Variants in VRK2 observed in about 807,000 individuals in gnomAD.
VRK2 encodes VRK serine/threonine kinase 2, also known as serine/threonine-protein kinase VRK2.
VRK2 carries 60 observed loss-of-function variants against 57.6 expected under a neutral mutation model. That is an observed-to-expected ratio of 1.04 (90% CI 0.85 to 1.29). The LOEUF is 1.29. VRK2 is among the 50% of genes most tolerant of loss of function. The pLI is 0.00. For synonymous variants in VRK2, 231 were observed against 199.2 expected (o/e 1.16, Z -1.35); for missense variants, 705 against 588.1 (o/e 1.20, Z -2.06).
At chr2:58,014,007 C>G (rs1338507280) in intron 1 of VRK2, among the ~76,000 whole-genome samples, 1 of 151,988 alleles carries the variant, frequency 6.6e-6, no homozygotes, top group Admixed American at 6.5e-5. Flanking sequence ...ATAATACTTT[C>G]AGGAGATAAT....
At chr2:57,979,475 C>A (rs1356538297) in intron 1 of VRK2, among the ~76,000 whole-genome samples, 1 of 150,946 alleles carries the variant, frequency 6.6e-6, no homozygotes, top group African/African-American at 2.5e-5. Context: ...CATCTATGTT[C>A]ACCAGGGATA....
intron 1 of VRK2, among the ~76,000 whole-genome samples, chr2:57,947,098 G>A (rs555783783): frequency 6.6e-6 from 1 of 152,250 alleles, no homozygotes; most frequent in African/African-American, 2.4e-5. Context: ...AATTTAACGT[G>A]TATTAGCAGC....
intron 1 of VRK2, among the ~76,000 whole-genome samples, chr2:57,975,376 A>G (rs1044554753): frequency 6.6e-6 from 1 of 152,082 alleles, no homozygotes; most frequent in Non-Finnish European, 1.5e-5. Flanking sequence ...TAGACTTTTT[A>G]TATTAGTTTT....
At chr2:57,955,083 C>T (rs1671541307) in intron 1 of VRK2, among the ~76,000 whole-genome samples, 1 of 152,064 alleles carries the variant, frequency 6.6e-6, no homozygotes. Context: ...TGAAGAACAT[C>T]TTATGGCCTA....
At chr2:58,073,244 A>G (rs559909340) in intron 2 of VRK2, among the ~76,000 whole-genome samples, 25 of 152,030 alleles carry the variant, frequency 1.6e-4, no homozygotes, top group Non-Finnish European at 3.2e-4. Flanking sequence ...TGTCTTAGTG[A>G]ATATACTATG....
intron 1 of VRK2, among the ~76,000 whole-genome samples, chr2:58,022,619 C>T (rs2103675415): frequency 6.6e-6 from 1 of 152,288 alleles, no homozygotes; most frequent in African/African-American, 2.4e-5. Context: ...CTCACGCCTG[C>T]AACCCCAGCA....
chr2:58,065,237 C>A (rs1668453099), intron 2 of VRK2, among the ~76,000 whole-genome samples: 1 of 152,084 alleles, frequency 6.6e-6, no homozygotes, highest in Non-Finnish European at 1.5e-5. Flanking sequence ...AGGACAGATT[C>A]ATCACCCTAA....
intron 1 of VRK2, among the ~76,000 whole-genome samples, chr2:57,959,236 T>C (rs997841746): frequency 2.6e-5 from 4 of 152,204 alleles, no homozygotes; most frequent in Admixed American, 6.5e-5. Flanking sequence ...GCAATTTTCA[T>C]AGTTTAAAGA....
chr2:58,088,137 A>G (rs879660404), intron 5 of VRK2, among the ~76,000 whole-genome samples: 1 of 152,248 alleles, frequency 6.6e-6, no homozygotes, highest in African/African-American at 2.4e-5. Context: ...GCATTCTCTT[A>G]TAGAAAATCA....
chr2:58,046,434 G>C, upstream of VRK2: 1 of 956,752 alleles, frequency 1.0e-6, no homozygotes, highest in Non-Finnish European at 1.2e-6. Context: ...AGCTCGGTAA[G>C]GACTAGCCAT....
chr2:58,056,163 A>G (rs1480615905), intron 2 of VRK2, among the ~76,000 whole-genome samples: 1 of 152,012 alleles, frequency 6.6e-6, no homozygotes, highest in African/African-American at 2.4e-5. Context: ...TAAAATTTAC[A>G]GGAATGCCTG....
chr2:57,949,568 G>A (rs555327132), intron 1 of VRK2, among the ~76,000 whole-genome samples: 1 of 152,112 alleles, frequency 6.6e-6, no homozygotes, highest in South Asian at 2.1e-4. Context: ...TCCACCAACT[G>A]GCCATTCTCC....
At chr2:57,911,919 T>C (rs1329818054) in intron 1 of VRK2, among the ~76,000 whole-genome samples, 1 of 152,192 alleles carries the variant, frequency 6.6e-6, no homozygotes, top group Non-Finnish European at 1.5e-5. Context: ...GGGAATATAA[T>C]GAGTTATAAG....
At chr2:58,060,015 C>T (rs946405257) in intron 2 of VRK2, among the ~76,000 whole-genome samples, 3 of 151,810 alleles carry the variant, frequency 2.0e-5, no homozygotes, top group African/African-American at 7.2e-5. Flanking sequence ...TTCTATCTTA[C>T]ATCTCCAATG....
chr2:58,085,412 G>A (rs1371930587), intron 4 of VRK2, among the ~76,000 whole-genome samples: 1 of 151,954 alleles, frequency 6.6e-6, no homozygotes, highest in Non-Finnish European at 1.5e-5. Flanking sequence ...TTAAGAAAAT[G>A]TTAGAAACTT....
chr2:58,146,696 TTTC>T (rs1266143723), intron 12 of VRK2, among the ~76,000 whole-genome samples: 4 of 152,038 alleles, frequency 2.6e-5, no homozygotes, highest in Non-Finnish European at 4.4e-5. Flanking sequence ...ACAGATCTGA[TTTC>T]TTTATTCTAA....
chr2:58,149,096 C>T (rs1222475707), intron 12 of VRK2, among the ~76,000 whole-genome samples: 1 of 151,622 alleles, frequency 6.6e-6, no homozygotes, highest in East Asian at 1.9e-4. Context: ...AACTGGCATC[C>T]CAACAATGTC....
chr2:58,114,757 A>G (rs895455358), intron 7 of VRK2, among the ~76,000 whole-genome samples: 4 of 152,142 alleles, frequency 2.6e-5, no homozygotes, highest in African/African-American at 9.7e-5. Context: ...GTCTGTTATC[A>G]GACTGTATAG....
At position 58,067,395 on chromosome 2, in the gene VRK2, C is replaced by A. The variant is rs1313882973; in HGVS notation, c.137-16694C>A. 3.3e-5 allele frequency among the ~76,000 whole-genome samples: 5 copies of A among 152,198 alleles called. No individual in the cohort carries two copies. In the South Asian group the frequency reaches 6.2e-4, roughly 19 times the overall value. ...CTATTAATTCTGTCCCTCTAGAGAACCCTGACTAATACAGTTGTCAAATTT... is the reference window on the plus strand; with the variant it reads ...CTATTAATTCTGTCCCTCTAGAGAAACCTGACTAATACAGTTGTCAAATTT... On this transcript the variant is annotated intron_variant, in intron 2 of 12. Transcript: ENST00000340157.
Sources: gnomAD v4.1 joint callset for allele counts (sites outside exome capture counted in the v4.1 genomes callset) on GRCh38, gnomAD v4.1.1 for gene constraint, MANE v1.5 for transcripts, NCBI Gene and HGNC (gene_info 2026-07-23, HGNC 2026-07-21) for gene names.